The following TCF7L1 variants were observed in gnomAD, a reference collection of about 807,000 sequenced individuals.
TCF7L1 encodes the protein transcription factor 7-like 1.
A neutral mutation model predicts 63.7 loss-of-function variants in TCF7L1; 18 were observed. That is an observed-to-expected ratio of 0.28 (90% CI 0.20 to 0.42). The LOEUF is 0.42. TCF7L1 is among the 10% of genes least tolerant of loss of function. TCF7L1 has a pLI of 1.00. For synonymous variants in TCF7L1, 355 were observed against 340.9 expected (o/e 1.04, Z -0.46); for missense variants, 654 against 779.3 (o/e 0.84, Z 1.91).
At chr2:85,146,854 G>T (rs1358150922) in intron 3 of TCF7L1, among the ~76,000 whole-genome samples, 1 of 152,126 alleles carries the variant, frequency 6.6e-6, no homozygotes, top group South Asian at 2.1e-4. Flanking sequence ...AGTACCTGAC[G>T]TAGAATCAGA....
At chr2:85,269,246 A>G (rs945323585) in intron 3 of TCF7L1, among the ~76,000 whole-genome samples, 9 of 152,216 alleles carry the variant, frequency 5.9e-5, no homozygotes, top group Admixed American at 5.9e-4. Flanking sequence ...ACTTCCTCAC[A>G]TAATCTTTGC....
chr2:85,157,775 T>A (rs1374377202), intron 3 of TCF7L1, among the ~76,000 whole-genome samples: 1 of 152,236 alleles, frequency 6.6e-6, no homozygotes, highest in Non-Finnish European at 1.5e-5. Flanking sequence ...AGAATGATGG[T>A]GGCCAATCTA....
At chr2:85,265,124 G>A (rs1395641753) in intron 3 of TCF7L1, among the ~76,000 whole-genome samples, 1 of 152,142 alleles carries the variant, frequency 6.6e-6, no homozygotes, top group East Asian at 1.9e-4. Context: ...GTGGATGCTT[G>A]CTCTGGGCTG....
chr2:85,238,382 G>A (rs573214737), intron 3 of TCF7L1, among the ~76,000 whole-genome samples: 36 of 152,260 alleles, frequency 2.4e-4, no homozygotes, highest in African/African-American at 8.7e-4. Flanking sequence ...ACAGAGACAC[G>A]GAGCCTTCAG....
chr2:85,306,213 C>A lies in TCF7L1; in HGVS notation c.997C>A (p.Pro333Thr). The change falls in exon 9 of 12, where the codon CCA becomes ACA. Residue 333 changes from proline (P) to threonine (T), a missense_variant. Transcript: ENST00000282111. This position sits in a 1 kb window ranked among gnomAD's most constrained non-coding sequence, Gnocchi z 4.3. ...AACCACGTGCCTTCCCAGGAAATCA[C>A]CAGTCACCGTGAAAAAGGAGGAGGA... ...SLSPAVSVKS[P>T]VTVKKEEEKK... is the part of the protein sequence containing the mutation. The A allele has an allele frequency of 6.2e-7, 1 of 1,614,144 alleles. No individual in the cohort carries two copies. The highest frequency in any genetic ancestry group is 8.5e-7 in the Non-Finnish European group (1 of 1,180,024).
intron 3 of TCF7L1, among the ~76,000 whole-genome samples, chr2:85,267,481 C>G (rs551401579): frequency 5.9e-5 from 9 of 151,674 alleles, no homozygotes; most frequent in African/African-American, 2.2e-4. Flanking sequence ...GAACCCCTGT[C>G]TTTACTAAAA....
At chr2:85,283,093 A>G (rs1681458337) in intron 3 of TCF7L1, among the ~76,000 whole-genome samples, 1 of 152,008 alleles carries the variant, frequency 6.6e-6, no homozygotes, top group South Asian at 2.1e-4. Context: ...TGGATGGGGC[A>G]GGATGGCCAT....
At chr2:85,291,010 T>C (rs1681702508) in intron 4 of TCF7L1, among the ~76,000 whole-genome samples, 1 of 152,228 alleles carries the variant, frequency 6.6e-6, no homozygotes, top group African/African-American at 2.4e-5. Flanking sequence ...TGCAGCCACA[T>C]CACTGTAGCC....
rs1209913136 is a variant in TCF7L1, at chr2:85,309,256, GCCTTCCTGTCGGCTAAGGCTGCAGCCT to G, written c.1565_1591del (p.Phe522_Ser530del). The G allele has an allele frequency of 6.2e-7, 1 of 1,613,644 alleles. No homozygotes were observed. The highest frequency in any genetic ancestry group is 8.5e-7 in the Non-Finnish European group (1 of 1,179,972). ...GGCCCAGCTGGCTCTCCACTCTGCC[GCCTTCCTGTCGGCTAAGGCTGCAGCCT>G]CCTCCTCTGGGCAGATGGGCAGCCA... On this transcript the variant is annotated inframe_deletion, in exon 12 of 12. Coordinates refer to ENST00000282111, the MANE Select transcript of TCF7L1 (RefSeq NM_031283.3).
rs774094748 is a variant in TCF7L1, at chr2:85,176,986, C to CAAA, written c.441+42557_441+42559dup. The stretch of plus-strand genomic sequence containing the variant: ...TGGGTGACAGAGCGAGACTCTGTCT[C>CAAA]AAAAAAAAAAAAAAAAAAAAAAATC... On this transcript the variant is annotated intron_variant, in intron 3 of 11. Coordinates refer to ENST00000282111, the MANE Select transcript of TCF7L1 (RefSeq NM_031283.3). Among the ~76,000 whole-genome samples the CAAA allele has an allele frequency of 4.9e-4, 33 of 66,716 alleles. 1 individual carries two copies. Among genetic ancestry groups the CAAA allele is most frequent in the African/African-American group, 1.2e-3 (25 of 20,968 alleles). The allele number at this position is 66,716 out of a possible 152,430, so 43.8% of individuals were successfully genotyped here.
At chr2:85,304,509 G>A (rs981833064) in intron 7 of TCF7L1, 171 bp downstream of exon 7, 20 of 634,916 alleles carry the variant, frequency 3.2e-5, no homozygotes, top group Non-Finnish European at 4.9e-5. Context: ...CCCCAGGTCA[G>A]AATGGAGACC....
Position 85,283,595 on chromosome 2 carries a change from T to G in TCF7L1, c.525+17T>G, listed in dbSNP as rs1293009457. Reference sequence around the variant, plus strand: ...GCACACTTGGTAAGTCTGTTTCACCTTAAAGCACCAAAGGGCCACTATTAG... The same window carrying G: ...GCACACTTGGTAAGTCTGTTTCACCGTAAAGCACCAAAGGGCCACTATTAG... On this transcript the variant is annotated intron_variant, in intron 4 of 11. Coordinates refer to ENST00000282111, the MANE Select transcript of TCF7L1 (RefSeq NM_031283.3). 1.2e-6 allele frequency: 2 copies of G among 1,614,008 alleles called. No individual in the cohort carries two copies. The highest frequency in any genetic ancestry group is 1.7e-6 in the Non-Finnish European group (2 of 1,179,888).
rs141440262 is a variant in TCF7L1 at position 85,212,756 on chromosome 2, C to T, written c.442-70739C>T. Among the ~76,000 whole-genome samples the T allele has an allele frequency of 2.1e-3, 317 of 152,138 alleles. 1 individual carries two copies. The highest frequency in any genetic ancestry group is 7.3e-3 in the African/African-American group (304 of 41,502). On this transcript the variant is annotated intron_variant, in intron 3 of 11. Transcript: ENST00000282111. The stretch of plus-strand genomic sequence containing the variant: ...TCTTGGTGCACGTCAGTATCTTGGA[C>T]CCCTGAGGAAGGATGTCATCACCCC...
intron 3 of TCF7L1, among the ~76,000 whole-genome samples, chr2:85,254,406 C>T (rs1450374643): frequency 6.6e-6 from 1 of 152,250 alleles, no homozygotes; most frequent in Non-Finnish European, 1.5e-5. Context: ...ACGAAGTCCT[C>T]TGTGTGTCCC....
chr2:85,297,822 G>C (rs1681866999), intron 4 of TCF7L1, among the ~76,000 whole-genome samples: 1 of 151,760 alleles, frequency 6.6e-6, no homozygotes, highest in Non-Finnish European at 1.5e-5. Context: ...ACCTTCCCTG[G>C]TCATCCTGGG....
intron 3 of TCF7L1, among the ~76,000 whole-genome samples, chr2:85,263,865 T>A (rs1015270635): frequency 3.3e-5 from 5 of 151,536 alleles, no homozygotes; most frequent in African/African-American, 1.2e-4. Context: ...GCTGGAGGAG[T>A]AAGTGGAAAA....
chr2:85,244,263 C>T lies in TCF7L1; in HGVS notation c.442-39232C>T, dbSNP rs546597362. Among the ~76,000 whole-genome samples, 289 of 152,230 alleles carry T rather than the reference C, an allele frequency of 1.9e-3. 1 individual carries two copies. The highest frequency in any genetic ancestry group is 6.8e-3 in the Middle Eastern group (2 of 294). On this transcript the variant is annotated intron_variant, in intron 3 of 11. Transcript: ENST00000282111. ...TGCAGCCCATGATGAAGCCTTTTGA[C>T]TGAGATGGGGAGTAGAGAGGGGTCT...
At chr2:85,280,371 C>T (rs533177943) in intron 3 of TCF7L1, among the ~76,000 whole-genome samples, 2 of 152,286 alleles carry the variant, frequency 1.3e-5, no homozygotes, top group East Asian at 3.9e-4. Flanking sequence ...CACTACAGTC[C>T]TACAAGCCGA....
intron 3 of TCF7L1, among the ~76,000 whole-genome samples, chr2:85,256,626 T>C (rs1017878800): frequency 6.6e-6 from 1 of 152,220 alleles, no homozygotes; most frequent in Admixed American, 6.5e-5. Context: ...AGTGTGTTCA[T>C]GCATTGCTTC....
Sources: gnomAD v4.1 joint callset for allele counts (sites outside exome capture counted in the v4.1 genomes callset) on GRCh38, gnomAD v4.1.1 for gene constraint, Gnocchi (gnomAD v3.1) non-coding constraint, MANE v1.5 for transcripts, NCBI Gene and HGNC (gene_info 2026-07-23, HGNC 2026-07-21) for gene names.